ARHGAP30: variants seen among roughly 807,000 people sequenced by gnomAD.
ARHGAP30 encodes Rho GTPase activating protein 30.
In ARHGAP30, 23 loss-of-function variants were observed where a neutral mutation model predicts 72.0. That is an observed-to-expected ratio of 0.32 (90% confidence interval 0.23 to 0.45). ARHGAP30 has a LOEUF of 0.45. Among genes scored for constraint, ARHGAP30 ranks in the 20% least tolerant of loss-of-function variants. The pLI, the probability that ARHGAP30 is intolerant of heterozygous loss-of-function variation, is 1.00. For missense variants in ARHGAP30, 1,319 were observed against 1,383.4 expected, an observed-to-expected ratio of 0.95 and a Z score of 0.74; for synonymous variants, 576 against 528.2, an observed-to-expected ratio of 1.09 and a Z score of -1.24.
At chr1:161,052,012 C>CCA in intron 9 of ARHGAP30, among the ~76,000 whole-genome samples, 1 of 97,022 alleles carries the variant, frequency 1.0e-5, no homozygotes, top group African/African-American at 4.0e-5. Flanking sequence ...ACCACCACCA[C>CCA]CACCACCACC....
chr1:161,060,076 T>G, intron 1 of ARHGAP30: 1 of 315,822 alleles, frequency 3.2e-6, no homozygotes, highest in East Asian at 8.5e-5. Context: ...AGCCCAGGAG[T>G]TCAAGATCAG....
At chr1:161,049,879 G>A (rs1163189681) in intron 10 of ARHGAP30, among the ~76,000 whole-genome samples, 190 bp from the exon 11 acceptor site, 1 of 152,208 alleles carries the variant, frequency 6.6e-6, no homozygotes, top group African/African-American at 2.4e-5. Flanking sequence ...CAGGTGCCAA[G>A]CACTGTGCTA....
Position 161,049,125 on chromosome 1 carries a change from ACTCC to A in ARHGAP30, c.1892_1895del (p.Gly631ValfsTer38). The stretch of plus-strand genomic sequence containing the variant: ...CACATCCTGCTGCCTCTCCCTCCAG[ACTCC>A]CTGAACCCTTCCAGATTGGGGGTTT... On this transcript the variant is annotated frameshift_variant, in exon 12 of 12. Transcript: ENST00000368013. LOFTEE classifies it low-confidence loss of function (END_TRUNC). 1 of 1,613,512 alleles carries A rather than the reference ACTCC, an allele frequency of 6.2e-7. No individual in the cohort carries two copies. Among genetic ancestry groups the A allele is most frequent in the Non-Finnish European group, 8.5e-7 (1 of 1,179,852 alleles).
intron 2 of ARHGAP30, among the ~76,000 whole-genome samples, chr1:161,059,340 T>TG (rs1652148496): frequency 6.6e-6 from 1 of 151,388 alleles, no homozygotes; most frequent in East Asian, 1.9e-4. Flanking sequence ...AAGTTTTTTT[T>TG]TTTTTTTTTT....
Position 161,049,702 on chromosome 1 carries a change from A to T in ARHGAP30, c.1421-13T>A. ...TCCAACTTTTCATCTGTTGGGGGAG[A>T]AGTAGTCCCAGGAATACAAAGGTCA... On this transcript the variant is annotated splice_polypyrimidine_tract_variant and intron_variant, in intron 10 of 11. Transcript: ENST00000368013. 1 of 1,609,738 alleles carries T rather than the reference A, an allele frequency of 6.2e-7. No homozygotes were observed. Among genetic ancestry groups the T allele is most frequent in the Non-Finnish European group, 8.5e-7 (1 of 1,177,678 alleles).
In ARHGAP30 at chr1:161,052,327, T is replaced by C; in HGVS notation, c.977A>G (p.Lys326Arg). 12 of 1,613,972 alleles carry C rather than the reference T, an allele frequency of 7.4e-6. No individual in the cohort carries two copies. Among genetic ancestry groups the C allele is most frequent in the African/African-American group, 1.3e-5 (1 of 75,008 alleles). Residue 326 changes from lysine to arginine, a missense_variant, in exon 9 of 12, where the codon AAA (lysine) becomes AGA (arginine). By Grantham distance (26) the Lys-to-Arg change is conservative (BLOSUM62 2). Around this residue, in one of 2 missense-constraint regions of ARHGAP30, gnomAD observed 1,097 missense variants for 1,045.2 expected, o/e 1.05. Transcript: ENST00000368013. ...TGCAGCACTCAGTGAGTCCATGCTT[T>C]TGGCTGGCCGCAGTGTCCCCTTGTT... is the stretch of plus-strand genomic sequence containing the variant. ...KSNKGTLRPAKSMDSLSAAAG... is the reference protein window; with the variant it reads ...KSNKGTLRPARSMDSLSAAAG...
intron 1 of ARHGAP30, among the ~76,000 whole-genome samples, chr1:161,061,063 T>A (rs751118327): frequency 1.3e-5 from 2 of 152,110 alleles, no homozygotes; most frequent in African/African-American, 2.4e-5. Context: ...GGAACATTAG[T>A]TGTCCCAACC....
In ARHGAP30 at chr1:161,053,238, A is replaced by G. The variant is rs1651551798; in HGVS notation, c.664+20T>C. On this transcript the variant is annotated intron_variant, in intron 6 of 11. Transcript: ENST00000368013. ...GACTCCCCAACAGTGGGATATGTGG[A>G]GGGCAGGAAGGACACTGACCAGAGA... 3 of 1,613,202 alleles carry G rather than the reference A, an allele frequency of 1.9e-6. No individual in the cohort carries two copies. The highest frequency in any genetic ancestry group is 3.3e-5 in the Admixed American group (2 of 59,896).
Position 161,069,752 on chromosome 1 carries a change from G to C in ARHGAP30, c.-128C>G, listed in dbSNP as rs1653038708. On this transcript the variant is annotated 5_prime_UTR_variant, in exon 1 of 12. Coordinates refer to ENST00000368013, the MANE Select transcript of ARHGAP30 (RefSeq NM_001025598.2). The surrounding 1 kb of genome is among the most constrained non-coding windows in gnomAD (Gnocchi z 4.9). ...CCCAGGGGGGCAGGGCTCCCAATTG[G>C]GGGTGGAGGGTGGCCTGGGCAACGG... 2.0e-6 allele frequency: 2 copies of C among 1,013,608 alleles called. No homozygotes were observed. Among genetic ancestry groups the C allele is most frequent in the African/African-American group, 1.6e-5 (1 of 61,428 alleles). The allele number at this position is 1,013,608 out of a possible 1,614,324, so 62.8% of individuals were successfully genotyped here.
chr1:161,064,874 A>G (rs1652647948), intron 1 of ARHGAP30, among the ~76,000 whole-genome samples: 1 of 148,948 alleles, frequency 6.7e-6, no homozygotes. Context: ...GAAGGAGAGG[A>G]AGGAGAGAAA....
rs750945229 is a variant in ARHGAP30, at chr1:161,051,729, A to G, written c.1019-14T>C. Reference sequence around the variant, plus strand: ...GCCCCTCTGGCTCTGTGGAGGAAAAAGAGGGCCAGGTAGGCAATAGCCTAA... The same window carrying G: ...GCCCCTCTGGCTCTGTGGAGGAAAAGGAGGGCCAGGTAGGCAATAGCCTAA... On this transcript the variant is annotated splice_polypyrimidine_tract_variant and intron_variant, in intron 9 of 11. Coordinates refer to ENST00000368013, the MANE Select transcript of ARHGAP30 (RefSeq NM_001025598.2). 2.5e-6 allele frequency: 4 copies of G among 1,590,598 alleles called. No individual in the cohort carries two copies. Among genetic ancestry groups the G allele is most frequent in the Non-Finnish European group, 3.4e-6 (4 of 1,168,950 alleles).
At chr1:161,052,105 C>A (rs1489019734) in intron 9 of ARHGAP30, among the ~76,000 whole-genome samples, 181 bp downstream of exon 9, 1 of 151,254 alleles carries the variant, frequency 6.6e-6, no homozygotes, top group Non-Finnish European at 1.5e-5. Flanking sequence ...TCAACAAAGT[C>A]ATAGATTAGA....
intron 1 of ARHGAP30, among the ~76,000 whole-genome samples, chr1:161,064,492 C>T (rs940557450): frequency 6.6e-6 from 1 of 152,144 alleles, no homozygotes; most frequent in Non-Finnish European, 1.5e-5. Context: ...GGCATGGCAG[C>T]TCATGCCTGT....
In ARHGAP30 at chr1:161,055,788, TTAAA is replaced by T. The variant is rs1443634352; in HGVS notation, c.345+596_345+599del. Reference sequence around the variant, plus strand: ...AACAGAGTGAGACTCCATCTTAAAATTAAAATAAAATAAAATAATAAAATAAAAT... The same window carrying T: ...AACAGAGTGAGACTCCATCTTAAAATATAAAATAAAATAATAAAATAAAAT... On this transcript the variant is annotated intron_variant, in intron 3 of 11. Transcript: ENST00000368013. Among the ~76,000 whole-genome samples, 151 of 115,318 alleles carry T rather than the reference TTAAA, an allele frequency of 1.3e-3. 6 individuals carry two copies. The highest frequency in any genetic ancestry group is 8.6e-3 in the Middle Eastern group (2 of 232). The allele number at this position is 115,318 out of a possible 152,430, so 75.7% of individuals were successfully genotyped here. A position where few individuals can be genotyped will look rare whatever the true frequency, so the allele number is the denominator to read the frequency against.
intron 2 of ARHGAP30, among the ~76,000 whole-genome samples, chr1:161,058,678 T>C (rs544140804): frequency 2.8e-5 from 4 of 140,996 alleles, no homozygotes; most frequent in Admixed American, 7.3e-5. Flanking sequence ...CTGGCCGACA[T>C]AGTGAAACCC....
intron 9 of ARHGAP30, 42 bp downstream of exon 9, chr1:161,052,242 CAT>C (rs774054842): frequency 3.7e-6 from 6 of 1,605,636 alleles, no homozygotes; most frequent in South Asian, 1.1e-5. Context: ...ACGCTGGTCA[CAT>C]AGCACACACA....
intron 6 of ARHGAP30, 27 bp from the exon 7 acceptor site, chr1:161,052,824 C>A: frequency 6.2e-7 from 1 of 1,604,972 alleles, no homozygotes; most frequent in Non-Finnish European, 8.5e-7. Context: ...AATTGGCCAG[C>A]CAGGAACAGA....
intron 6 of ARHGAP30, chr1:161,053,034 G>A: frequency 1.2e-6 from 1 of 853,646 alleles, no homozygotes; most frequent in Non-Finnish European, 1.8e-6. Flanking sequence ...CACTAGCCTT[G>A]GGAGCCAGGA....
rs1406995938 is a variant in ARHGAP30, at chr1:161,048,224, G to C, written c.2797C>G (p.Gln933Glu). Reference sequence around the variant, plus strand: ...GGCACCACAGGCACAGAGCGGACCTGTTGGACCTGAACCAGAGTGGAAGCT... The same window carrying C: ...GGCACCACAGGCACAGAGCGGACCTCTTGGACCTGAACCAGAGTGGAAGCT... ...RLASTLVQVQQVRSVPVVPPK... is the reference protein window; with the variant it reads ...RLASTLVQVQEVRSVPVVPPK... Residue 933 changes from glutamine to glutamate, a missense_variant, in exon 12 of 12, where the codon CAG becomes GAG. Physicochemically the swap from Gln to Glu is conservative, Grantham distance 29. Coordinates refer to ENST00000368013, the MANE Select transcript of ARHGAP30 (RefSeq NM_001025598.2). 2 of 1,614,210 alleles carry C rather than the reference G, an allele frequency of 1.2e-6. No individual in the cohort carries two copies. Among genetic ancestry groups the C allele is most frequent in the South Asian group, 2.2e-5 (2 of 91,084 alleles).
Sources: gnomAD v4.1 joint callset for allele counts (sites outside exome capture counted in the v4.1 genomes callset) on GRCh38, gnomAD v4.1.1 for gene constraint, gnomAD v4.1.1 regional missense constraint, Gnocchi (gnomAD v3.1) non-coding constraint, MANE v1.5 for transcripts, NCBI Gene and HGNC (gene_info 2026-07-23, HGNC 2026-07-21) for gene names.